Variants in ANKHD1 observed in about 807,000 individuals in gnomAD.
ANKHD1 encodes ankyrin repeat and KH domain-containing protein 1.
Under a neutral mutation model 230.5 loss-of-function variants are expected in ANKHD1, and 31 were observed. The observed-to-expected ratio is 0.13, with a 90% CI of 0.10 to 0.18. ANKHD1 has a LOEUF of 0.18. Among genes scored for constraint, ANKHD1 ranks in the 10% least tolerant of loss-of-function variants. The pLI, the probability that ANKHD1 is intolerant of heterozygous loss-of-function variation, is 1.00. For synonymous variants in ANKHD1, 1,074 were observed against 1,117.6 expected (o/e 0.96, Z 0.78); for missense variants, 2,256 against 3,071.3 (o/e 0.73, Z 6.27).
chr5:140,493,441 A>G (rs1440389859), intron 14 of ANKHD1, among the ~76,000 whole-genome samples: 3 of 152,156 alleles, frequency 2.0e-5, no homozygotes, highest in African/African-American at 7.2e-5. Context: ...CTGACACTGT[A>G]AGCTGTTTGA....
intron 15 of ANKHD1, among the ~76,000 whole-genome samples, chr5:140,503,630 C>T (rs28493133): frequency 0.43 from 58,224 of 133,858 alleles, 12,626 homozygotes; most frequent in Middle Eastern, 0.59. Context: ...TGCAGTGGTG[C>T]GATCCTAGCT....
At position 140,526,920 on chromosome 5, in the gene ANKHD1, C is replaced by A; in HGVS notation, c.4941-8C>A. ...CTTTTATTGTACTTGCTATTTGTCT[C>A]TTCTTAGACTTGAAGGTGAAGTGAC... On this transcript the variant is annotated splice_region_variant and splice_polypyrimidine_tract_variant and intron_variant, in intron 26 of 33. Transcript: ENST00000360839. The A allele has an allele frequency of 6.2e-7, 1 of 1,605,430 alleles. No homozygotes were observed. The highest frequency in any genetic ancestry group is 8.5e-7 in the Non-Finnish European group (1 of 1,177,254).
At chr5:140,418,645 CAT>C (rs1264678274) in intron 1 of ANKHD1, among the ~76,000 whole-genome samples, 2 of 152,156 alleles carry the variant, frequency 1.3e-5, no homozygotes, top group African/African-American at 4.8e-5. Context: ...TAAACAGAAT[CAT>C]ATAATATGTG....
chr5:140,403,101 C>T (rs1360909888), intron 1 of ANKHD1, among the ~76,000 whole-genome samples: 1 of 150,440 alleles, frequency 6.6e-6, no homozygotes, highest in Admixed American at 6.7e-5. Context: ...TCCCGAGTAG[C>T]TGGGATTACA....
At chr5:140,465,020 C>G (rs900752119) in intron 10 of ANKHD1, 9 of 239,540 alleles carry the variant, frequency 3.8e-5, no homozygotes, top group Non-Finnish European at 7.2e-5. Context: ...CACTCCACCC[C>G]CATTTGACAT....
At chr5:140,482,181 G>A (rs1054043040) in intron 10 of ANKHD1, among the ~76,000 whole-genome samples, 3 of 152,026 alleles carry the variant, frequency 2.0e-5, no homozygotes, top group Non-Finnish European at 2.9e-5. Context: ...TCCTTTGATA[G>A]TGCTTTTATT....
At chr5:140,521,235 G>A (rs76128141) in intron 24 of ANKHD1, among the ~76,000 whole-genome samples, 9,873 of 152,182 alleles carry the variant, frequency 0.065, 337 homozygotes, top group Middle Eastern at 0.13. Context: ...AAAAAACTTC[G>A]TAAGCTAAAG....
At position 140,523,966 on chromosome 5, in the gene ANKHD1, A is replaced by G. The variant is rs909305603; in HGVS notation, c.4318-100A>G. 33 of 1,397,270 alleles carry G rather than the reference A, an allele frequency of 2.4e-5. No homozygotes were observed. In the African/African-American group the frequency reaches 4.4e-4, roughly 18 times the overall value. 86.6% of individuals were successfully genotyped at this position (1,397,270 alleles called of 1,614,324 possible). A position where few individuals can be genotyped will look rare whatever the true frequency, so the allele number is the denominator to read the frequency against. On this transcript the variant is annotated intron_variant, in intron 24 of 33. Transcript: ENST00000360839. ...GCATTTATAAATGTGTTTTGAGAGT[A>G]ACATCCATGGAAATCCCTGTGTATC...
rs912642080 is a variant in ANKHD1, at chr5:140,529,140, A to C, written c.6194A>C (p.His2065Pro). The change falls in exon 29 of 34, where the codon CAC becomes CCC. Residue 2065 changes from histidine (H) to proline (P), a missense_variant. Physicochemically the swap from His to Pro is moderately conservative, Grantham distance 77. This residue lies in a region of ANKHD1 where 778 missense variants were observed against 966.5 expected (regional missense o/e 0.80). Transcript: ENST00000360839. ...ASNTPGAPET[H>P]PSSSPTPTSS... Reference sequence around the variant, plus strand: ...AACACCCCGGGAGCTCCAGAAACTCACCCATCCAGTAGTCCCACTCCTACT... The same window carrying C: ...AACACCCCGGGAGCTCCAGAAACTCCCCCATCCAGTAGTCCCACTCCTACT... 2.5e-6 allele frequency: 4 copies of C among 1,613,948 alleles called. No individual in the cohort carries two copies. The highest frequency in any genetic ancestry group is 2.5e-6 in the Non-Finnish European group (3 of 1,179,984).
intron 15 of ANKHD1, among the ~76,000 whole-genome samples, chr5:140,497,872 CCACACCA>C (rs1232541608): frequency 5.7e-4 from 74 of 130,700 alleles, no homozygotes; most frequent in African/African-American, 2.0e-3. Context: ...CACAACCACA[CCACACCA>C]CACACACACA....
At chr5:140,453,422 A>G (rs1419196135) in intron 7 of ANKHD1, among the ~76,000 whole-genome samples, 5 of 152,202 alleles carry the variant, frequency 3.3e-5, no homozygotes, top group African/African-American at 1.2e-4. Flanking sequence ...CAGATTCACC[A>G]ACGTTGAAAT....
intron 1 of ANKHD1, among the ~76,000 whole-genome samples, chr5:140,418,853 C>T (rs955516110): frequency 4.6e-5 from 7 of 152,128 alleles, no homozygotes; most frequent in Non-Finnish European, 1.0e-4. Context: ...GCCTCAGCCT[C>T]GCGAGTAGCT....
intron 10 of ANKHD1, chr5:140,472,344 T>A: frequency 6.2e-7 from 1 of 1,602,140 alleles, no homozygotes; most frequent in Non-Finnish European, 8.5e-7. Context: ...AGAATAGATG[T>A]TGTAGGTAAC....
chr5:140,436,329 T>C, intron 2 of ANKHD1, 72 bp downstream of exon 2: 1 of 1,316,464 alleles, frequency 7.6e-7, no homozygotes, highest in East Asian at 3.0e-5. Flanking sequence ...CATGAGATTA[T>C]CCCCAAATTC....
At chr5:140,425,292 AC>A (rs1164357450) in intron 1 of ANKHD1, among the ~76,000 whole-genome samples, 2 of 152,290 alleles carry the variant, frequency 1.3e-5, no homozygotes, top group African/African-American at 4.8e-5. Context: ...ACAGGGTCTT[AC>A]ACTTTTGCCC....
chr5:140,529,341 G>A lies in ANKHD1; in HGVS notation c.6395G>A (p.Arg2132Gln), dbSNP rs144913147. 2.0e-4 allele frequency: 325 copies of A among 1,614,176 alleles called. 1 individual carries two copies. In the African/African-American group the frequency reaches 3.7e-3, roughly 19 times the overall value. ...NLPQLAVPAPRVSHRMQPRGS... is the reference protein window; with the variant it reads ...NLPQLAVPAPQVSHRMQPRGS... ...CCTCAGTTAGCTGTACCAGCACCTC[G>A]AGTTTCTCATCGAATGCAGCCCAGA... Residue 2132 changes from arginine to glutamine, a missense_variant, in exon 29 of 34, where the codon CGA becomes CAA. Arg to Gln is a conservative substitution (Grantham distance 43, BLOSUM62 1). Around this residue, in one of 13 missense-constraint regions of ANKHD1, gnomAD observed 778 missense variants for 966.5 expected, o/e 0.80. Transcript: ENST00000360839.
At chr5:140,458,572 A>C in intron 7 of ANKHD1, 53 bp from the exon 8 acceptor site, 1 of 1,553,748 alleles carries the variant, frequency 6.4e-7, no homozygotes, top group East Asian at 2.3e-5. Flanking sequence ...ACTTAAAAAA[A>C]TCTCAAAACA....
At chr5:140,440,665 T>C (rs1288635273) in intron 4 of ANKHD1, among the ~76,000 whole-genome samples, 1 of 151,866 alleles carries the variant, frequency 6.6e-6, no homozygotes, top group Non-Finnish European at 1.5e-5. Flanking sequence ...ACCATGTTTT[T>C]ACCAGTTTCT....
chr5:140,434,774 A>C (rs1367301447), intron 1 of ANKHD1, among the ~76,000 whole-genome samples: 1 of 152,124 alleles, frequency 6.6e-6, no homozygotes, highest in Non-Finnish European at 1.5e-5. Flanking sequence ...GTAAATGTAC[A>C]ACATGTATTT....
Sources: gnomAD v4.1 joint callset for allele counts (sites outside exome capture counted in the v4.1 genomes callset) on GRCh38, gnomAD v4.1.1 for gene constraint, gnomAD v4.1.1 regional missense constraint, MANE v1.5 for transcripts, NCBI Gene and HGNC (gene_info 2026-07-23, HGNC 2026-07-21) for gene names.